The following ENPP2 variants were observed in gnomAD, a reference collection of about 807,000 sequenced individuals.
The protein encoded by ENPP2 is autotaxin.
In ENPP2, 51 loss-of-function variants were observed where a neutral mutation model predicts 120.2. The ratio of observed to expected loss-of-function variants is 0.42; its 90% CI spans 0.34 to 0.54. The LOEUF is 0.54. Ranked by LOEUF, ENPP2 falls within the 20% of genes least tolerant of loss-of-function variation. ENPP2 has a pLI of 0.04. For missense variants in ENPP2, 920 were observed against 1,066.5 expected (o/e 0.86, Z 1.91); for synonymous variants, 365 against 366.4 (o/e 1.00, Z 0.04).
intron 1 of ENPP2, among the ~76,000 whole-genome samples, chr8:119,650,147 A>G (rs1173307109): frequency 6.6e-6 from 1 of 152,244 alleles, no homozygotes; most frequent in Non-Finnish European, 1.5e-5. Context: ...GTGAAATATT[A>G]CTCAGCAATA....
At chr8:119,651,138 A>G (rs751261568) in intron 1 of ENPP2, among the ~76,000 whole-genome samples, 2 of 152,176 alleles carry the variant, frequency 1.3e-5, no homozygotes, top group African/African-American at 2.4e-5. Context: ...GCAGATGGGC[A>G]TGTATTATAA....
chr8:119,672,781 C>A (rs1457363475), intron 1 of ENPP2, among the ~76,000 whole-genome samples: 3 of 152,164 alleles, frequency 2.0e-5, no homozygotes, highest in Non-Finnish European at 2.9e-5. Context: ...CTCCTGGAGG[C>A]AAGTGTGGGA....
chr8:119,581,912 T>C (rs1563691658), intron 18 of ENPP2, among the ~76,000 whole-genome samples: 1 of 152,008 alleles, frequency 6.6e-6, no homozygotes, highest in East Asian at 1.9e-4. Flanking sequence ...TTTGTGTTTT[T>C]AGTAGAGACA....
chr8:119,562,744 T>C, intron 24 of ENPP2, 113 bp downstream of exon 24: 1 of 1,102,392 alleles, frequency 9.1e-7, no homozygotes. Flanking sequence ...TTTTTTCTGT[T>C]TAGGGTGAAT....
At chr8:119,581,265 CAAAA>C (rs5894487) in intron 18 of ENPP2, among the ~76,000 whole-genome samples, 2 of 111,778 alleles carry the variant, frequency 1.8e-5, no homozygotes. Flanking sequence ...GACTCCATCT[CAAAA>C]AAAAAAAAAA....
chr8:119,653,998 TATATATTAA>T (rs987879395), intron 1 of ENPP2, among the ~76,000 whole-genome samples: 20 of 146,968 alleles, frequency 1.4e-4, no homozygotes, highest in African/African-American at 4.4e-4. Flanking sequence ...TAGAAAATAT[TATATATTAA>T]ATATATTATA....
chr8:119,654,022 TATA>T (rs962428757), intron 1 of ENPP2, among the ~76,000 whole-genome samples: 2 of 146,400 alleles, frequency 1.4e-5, no homozygotes, highest in Non-Finnish European at 3.0e-5. Context: ...ATTATATATG[TATA>T]ATATTTTATT....
chr8:119,605,201 A>G (rs979131398), intron 9 of ENPP2, among the ~76,000 whole-genome samples: 1 of 151,812 alleles, frequency 6.6e-6, no homozygotes, highest in African/African-American at 2.4e-5. Context: ...TCTCCCAAGT[A>G]GCTGGGACTA....
intron 8 of ENPP2, among the ~76,000 whole-genome samples, chr8:119,613,131 C>T (rs1174829491): frequency 4.6e-5 from 7 of 151,982 alleles, no homozygotes; most frequent in South Asian, 2.1e-4. Flanking sequence ...ATTGCAGGAC[C>T]GTAGCAGAGA....
At chr8:119,657,234 GTT>G (rs1426180413) in intron 1 of ENPP2, among the ~76,000 whole-genome samples, 16 of 152,076 alleles carry the variant, frequency 1.1e-4, no homozygotes, top group Admixed American at 1.0e-3. Context: ...CTATAATCTC[GTT>G]TTATGAGTGA....
intron 18 of ENPP2, chr8:119,580,928 G>A (rs1036009233): frequency 6.6e-6 from 1 of 152,052 alleles, no homozygotes; most frequent in African/African-American, 2.4e-5. Context: ...TATAGTATAG[G>A]TTATTTTAGG....
chr8:119,644,725 A>G (rs1817393365), intron 1 of ENPP2, among the ~76,000 whole-genome samples: 1 of 149,932 alleles, frequency 6.7e-6, no homozygotes, highest in Non-Finnish European at 1.5e-5. Flanking sequence ...ATTTATTCAT[A>G]TTGAGGTTTT....
At chr8:119,558,805 G>A (rs1813687670) in intron 24 of ENPP2, among the ~76,000 whole-genome samples, 1 of 152,052 alleles carries the variant, frequency 6.6e-6, no homozygotes, top group African/African-American at 2.4e-5. Context: ...AAGGGTGGCT[G>A]CATGTCCTAG....
intron 8 of ENPP2, among the ~76,000 whole-genome samples, chr8:119,609,935 T>A (rs1814980208): frequency 6.6e-6 from 1 of 152,186 alleles, no homozygotes; most frequent in Admixed American, 6.5e-5. Context: ...GAATACATGC[T>A]GATGTTGGCA....
At chr8:119,563,057 G>A (rs754129021) in intron 23 of ENPP2, 44 bp from the exon 24 acceptor site, 27 of 1,559,088 alleles carry the variant, frequency 1.7e-5, no homozygotes, top group Admixed American at 7.2e-5. Flanking sequence ...ATGAGTTGAT[G>A]TTGAAGCTTT....
Position 119,651,509 on chromosome 8 carries a change from T to C in ENPP2, c.22-12982A>G, listed in dbSNP as rs552286589. On this transcript the variant is annotated intron_variant, in intron 1 of 25. Transcript: ENST00000427067. ...CCTATTAAGTGGGGGAATCATCTTTTCTCTTGATTTCCCAATAAGAATTAC... is the reference window on the plus strand; with the variant it reads ...CCTATTAAGTGGGGGAATCATCTTTCCTCTTGATTTCCCAATAAGAATTAC... Among the ~76,000 whole-genome samples the C allele has an allele frequency of 1.8e-4, 28 of 152,360 alleles. 1 individual carries two copies. The South Asian group carries it at 5.0e-3, about 27-fold the overall frequency.
chr8:119,580,083 A>C, intron 19 of ENPP2, 33 bp downstream of exon 19: 1 of 1,546,748 alleles, frequency 6.5e-7, no homozygotes, highest in Non-Finnish European at 8.9e-7. Flanking sequence ...AACGAGAAAA[A>C]CCTTATCTGA....
intron 2 of ENPP2, among the ~76,000 whole-genome samples, chr8:119,633,706 C>T (rs1053667005): frequency 6.6e-6 from 1 of 152,002 alleles, no homozygotes; most frequent in Non-Finnish European, 1.5e-5. Context: ...AACTTACACA[C>T]AGGTCTACAT....
chr8:119,563,860 A>T (rs1157018091), intron 23 of ENPP2, among the ~76,000 whole-genome samples: 6 of 151,910 alleles, frequency 3.9e-5, no homozygotes, highest in African/African-American at 1.5e-4. Context: ...ATAAAATAGC[A>T]ATTTATTCTG....
Sources: gnomAD v4.1 joint callset for allele counts (sites outside exome capture counted in the v4.1 genomes callset) on GRCh38, gnomAD v4.1.1 for gene constraint, MANE v1.5 for transcripts, NCBI Gene and HGNC (gene_info 2026-07-23, HGNC 2026-07-21) for gene names.